The following TONSL variants were observed in gnomAD, a reference collection of about 807,000 sequenced individuals.
TONSL encodes the protein tonsoku like, DNA repair protein.
A neutral mutation model predicts 147.1 loss-of-function variants in TONSL; 112 were observed. That is an observed-to-expected ratio of 0.76 (90% CI 0.65 to 0.89). The LOEUF (loss-of-function observed/expected upper bound fraction) is 0.89, where lower values mean the gene tolerates loss of function less well. TONSL is among the 40% of genes least tolerant of loss of function. The pLI is 0.00. For synonymous variants in TONSL, 868 were observed against 801.5 expected (o/e 1.08, Z -1.40); for missense variants, 1,883 against 1,864.6 (o/e 1.01, Z -0.18).
At position 144,431,087 on chromosome 8, in the gene TONSL, T is replaced by TA. The variant is rs1823168830; in HGVS notation, c.3799_3800insT (p.Asp1267ValfsTer22). On this transcript the variant is annotated frameshift_variant, in exon 24 of 26. Coordinates refer to ENST00000409379, the MANE Select transcript of TONSL (RefSeq NM_013432.5). LOFTEE classifies it high-confidence loss of function. ...AGGGAAAGGGCGTTACCTGCACAGG[T>TA]CTCTAACAGCCTTGTCCCCCAGGTG... The TA allele has an allele frequency of 1.9e-6, 3 of 1,614,022 alleles. No individual in the cohort carries two copies.
In TONSL at chr8:144,430,406, GACAGGCCAAGGAAGCTAAGGCC is replaced by G; in HGVS notation, c.3919_3940del (p.Gly1307GlnfsTer17). The G allele has an allele frequency of 6.2e-7, 1 of 1,605,106 alleles. No individual in the cohort carries two copies. Among genetic ancestry groups the G allele is most frequent in the Non-Finnish European group, 8.5e-7 (1 of 1,175,958 alleles). On this transcript the variant is annotated frameshift_variant, in exon 25 of 26. Coordinates refer to ENST00000409379, the MANE Select transcript of TONSL (RefSeq NM_013432.5). LOFTEE classifies it low-confidence loss of function (END_TRUNC). ...GTGGCCACCATACCAGCACTCACCT[GACAGGCCAAGGAAGCTAAGGCC>G]TTGGGGCCGCTTTTGGAGGGTGGAC...
Position 144,440,331 on chromosome 8 carries a change from G to C in TONSL, c.1290+20C>G. The C allele has an allele frequency of 1.3e-6, 2 of 1,576,112 alleles. No individual in the cohort carries two copies. Among genetic ancestry groups the C allele is most frequent in the Non-Finnish European group, 1.7e-6 (2 of 1,157,128 alleles). ...CTGGGCTCACCGGGGAGCCAGTATG[G>C]GTGGGATGGGCTCTCGCACCTGCAG... On this transcript the variant is annotated intron_variant, in intron 10 of 25. Coordinates refer to ENST00000409379, the MANE Select transcript of TONSL (RefSeq NM_013432.5).
chr8:144,433,316 T>A lies in TONSL; in HGVS notation c.3559+272A>T. The A allele has an allele frequency of 8.6e-6, 3 of 349,918 alleles. No individual in the cohort carries two copies. In the South Asian group the frequency reaches 1.0e-4, roughly 12 times the overall value. 21.7% of individuals were successfully genotyped at this position (349,918 alleles called of 1,614,324 possible). ...TGGTCTCGATATCCTGACCTCGTGA[T>A]CTGCCCGCCTTGGCCTCCCAAAGTG... On this transcript the variant is annotated intron_variant, in intron 22 of 25. Coordinates refer to ENST00000409379, the MANE Select transcript of TONSL (RefSeq NM_013432.5).
In TONSL at chr8:144,433,977, C is replaced by T. The variant is rs375513978; in HGVS notation, c.3387+1G>A. 1.3e-6 allele frequency: 2 copies of T among 1,578,084 alleles called. No homozygotes were observed. Among genetic ancestry groups the T allele is most frequent in the East Asian group, 2.3e-5 (1 of 44,422 alleles). ...GGGCCTGCTGCTCTCTGTGCCTATA[C>T]CTGCAAGGTGGCTTGGCCTGGGAGC... On this transcript the variant is annotated splice_donor_variant, in intron 21 of 25. Transcript: ENST00000409379. LOFTEE classifies it high-confidence loss of function.
rs566845306 is a variant in TONSL at position 144,442,064 on chromosome 8, C to T, written c.838G>A (p.Ala280Thr). Residue 280 changes from alanine (A) to threonine (T), a missense_variant, in exon 7 of 26, where the codon GCA becomes ACA. Coordinates refer to ENST00000409379, the MANE Select transcript of TONSL (RefSeq NM_013432.5). Reference sequence around the variant, plus strand: ...TGCTGGAGGTTCTGACAGATGGCTGCCCTCTGCACAGGCTTCTGGGAGCCC... The same window carrying T: ...TGCTGGAGGTTCTGACAGATGGCTGTCCTCTGCACAGGCTTCTGGGAGCCC... ...RLGSQKPVQR[A>T]AICQNLQHVL... 1.7e-4 allele frequency: 279 copies of T among 1,612,846 alleles called. No homozygotes were observed. The highest frequency in any genetic ancestry group is 2.2e-4 in the Non-Finnish European group (264 of 1,179,928).
At chr8:144,438,865 TG>T in intron 11 of TONSL, 130 bp from the exon 12 acceptor site, 1 of 940,912 alleles carries the variant, frequency 1.1e-6, no homozygotes. Context: ...GCTCTGAGGC[TG>T]CTGGGCTCTG....
Position 144,440,164 on chromosome 8 carries a change from G to T in TONSL, c.1337C>A (p.Pro446His), listed in dbSNP as rs1326778524. 1 of 1,610,768 alleles carries T rather than the reference G, an allele frequency of 6.2e-7. No homozygotes were observed. Among genetic ancestry groups the T allele is most frequent in the Admixed American group, 1.7e-5 (1 of 59,278 alleles). Residue 446 changes from proline to histidine, a missense_variant, in exon 11 of 26, where the codon CCC (proline) becomes CAC (histidine). Transcript: ENST00000409379. Reference protein sequence around the residue: ...HLHTVQLRLQPQEAPETETRL... With the variant: ...HLHTVQLRLQHQEAPETETRL... Reference sequence around the variant, plus strand: ...GGTTTCGGTCTCAGGGGCCTCCTGGGGCTGCAGCCTCAGCTGCACGGTATG... The same window carrying T: ...GGTTTCGGTCTCAGGGGCCTCCTGGTGCTGCAGCCTCAGCTGCACGGTATG...
rs782674816 is a variant in TONSL at position 144,431,130 on chromosome 8, G to T, written c.3757C>A (p.Leu1253Met). The T allele has an allele frequency of 1.9e-6, 3 of 1,614,166 alleles. No homozygotes were observed. The highest frequency in any genetic ancestry group is 4.5e-5 in the East Asian group (2 of 44,886). ...LAKEGCALAH[L>M]TLSANHLGDK... The stretch of plus-strand genomic sequence containing the variant: ...CCCAGGTGGTTTGCAGACAGGGTCA[G>T]GTGGGCTAGAGCACAGCCTTCCTGG... The change falls in exon 24 of 26, where the codon CTG (leucine) becomes ATG (methionine). Residue 1253 changes from leucine to methionine, a missense_variant. Physicochemically the swap from Leu to Met is conservative, Grantham distance 15. Transcript: ENST00000409379.
rs1554878053 is a variant in TONSL at position 144,429,248 on chromosome 8, G to A, written c.4032C>T (p.Leu1344=). ...LRELQLCSRR[L]CAEDRDALRQ... is the part of the protein sequence containing the mutation. ...GCAGGGCGTCCCTGTCCTCAGCGCA[G>A]AGGCGTCTGCTGCACAGCTGCAGTT... The change falls in exon 26 of 26, where the codon CTC becomes CTT. Residue 1344 remains leucine (L), a synonymous_variant. Coordinates refer to ENST00000409379, the MANE Select transcript of TONSL (RefSeq NM_013432.5). 2 of 1,531,602 alleles carry A rather than the reference G, an allele frequency of 1.3e-6. No individual in the cohort carries two copies. Among genetic ancestry groups the A allele is most frequent in the Non-Finnish European group, 1.8e-6 (2 of 1,141,050 alleles). 94.9% of individuals were successfully genotyped at this position (1,531,602 alleles called of 1,614,324 possible).
At chr8:144,442,924 G>T in intron 4 of TONSL, 118 bp from the exon 5 acceptor site, 1 of 1,396,730 alleles carries the variant, frequency 7.2e-7, no homozygotes, top group Non-Finnish European at 9.5e-7. Flanking sequence ...CCCGAGGTGG[G>T]TGCAAGTGTC....
Position 144,441,193 on chromosome 8 carries a change from G to T in TONSL, c.866-82C>A, listed in dbSNP as rs898292715. 94 of 1,556,310 alleles carry T rather than the reference G, an allele frequency of 6.0e-5. No homozygotes were observed. The African/African-American group carries it at 1.2e-3, about 20-fold the overall frequency. On this transcript the variant is annotated intron_variant, in intron 7 of 25. Transcript: ENST00000409379. ...ACCACCTGCAAGCTGTGAGCCCTGTGGTGGCCCCCCCACTCTCTCCACACC... is the reference window on the plus strand; with the variant it reads ...ACCACCTGCAAGCTGTGAGCCCTGTTGTGGCCCCCCCACTCTCTCCACACC...
In TONSL at chr8:144,443,268, C is replaced by T; in HGVS notation, c.318G>A (p.Leu106=). The T allele has an allele frequency of 1.9e-6, 3 of 1,550,812 alleles. No homozygotes were observed. The highest frequency in any genetic ancestry group is 2.6e-6 in the Non-Finnish European group (3 of 1,146,972). ...LAHSLRNHTE[L]QRAWATIGRT... is the part of the protein sequence containing the mutation. The stretch of plus-strand genomic sequence containing the variant: ...GGCCGATGGTGGCCCAGGCCCTCTG[C>T]AGCTCCGTGTGGTTGCGCAGGGAAT... Residue 106 remains leucine (L), a synonymous_variant, in exon 4 of 26, where the codon CTG becomes CTA. Transcript: ENST00000409379.
rs1282413420 is a variant in TONSL at position 144,444,387 on chromosome 8, T to TA, written c.25+2dup. The stretch of plus-strand genomic sequence containing the variant: ...CGGAGGAAGGGGTCCCCGAGGAACT[T>TA]ACGGCGAAGCTCGCGCTCCAGGCTC... On this transcript the variant is annotated splice_region_variant and intron_variant, in intron 1 of 25. Transcript: ENST00000409379. The TA allele has an allele frequency of 7.2e-5, 92 of 1,272,552 alleles. No homozygotes were observed. Among genetic ancestry groups the TA allele is most frequent in the Non-Finnish European group, 9.0e-5 (91 of 1,007,390 alleles). The allele number at this position is 1,272,552 out of a possible 1,614,324, so 78.8% of individuals were successfully genotyped here.
At chr8:144,431,235 G>A (rs1823175403) in intron 23 of TONSL, 84 bp from the exon 24 acceptor site, 1 of 1,316,346 alleles carries the variant, frequency 7.6e-7, no homozygotes, top group Admixed American at 1.8e-5. Context: ...CCACACCCAG[G>A]GGCCCAGAAG....
intron 13 of TONSL, among the ~76,000 whole-genome samples, chr8:144,437,302 A>G (rs1368051157): frequency 6.6e-6 from 1 of 152,198 alleles, no homozygotes; most frequent in Non-Finnish European, 1.5e-5. Context: ...CAGCCACAGC[A>G]TATCCTCCGC....
chr8:144,442,892 C>G, intron 4 of TONSL, 86 bp from the exon 5 acceptor site: 1 of 1,487,082 alleles, frequency 6.7e-7, no homozygotes, highest in Non-Finnish European at 9.0e-7. Flanking sequence ...CTGTGCAGCG[C>G]CTCTCCTACC....
At chr8:144,438,398 A>T in intron 13 of TONSL, 73 bp downstream of exon 13, 2 of 1,513,064 alleles carry the variant, frequency 1.3e-6, no homozygotes, top group Non-Finnish European at 1.8e-6. Flanking sequence ...AGTTACAGAG[A>T]TAGGGGATCC....
rs934074074 is a variant in TONSL at position 144,435,474 on chromosome 8, C to G, written c.2852G>C (p.Ser951Thr). The G allele has an allele frequency of 6.5e-7, 1 of 1,544,984 alleles. No individual in the cohort carries two copies. Among genetic ancestry groups the G allele is most frequent in the African/African-American group, 1.4e-5 (1 of 72,928 alleles). The stretch of plus-strand genomic sequence containing the variant: ...CGGGGTAGGGCAGGCGATGCCTCAC[C>G]TGTGTGGGACAGGGATGAGGAAGAG... ...DHLFLIPVPH[S>T]SDTHSVAWLA... The change falls in exon 18 of 26, where the codon AGC becomes ACC. Residue 951 changes from serine to threonine, a missense_variant and splice_region_variant. By Grantham distance (58) the Ser-to-Thr change is moderately conservative (BLOSUM62 1). Transcript: ENST00000409379.
At chr8:144,437,325 C>T (rs975564235) in intron 13 of TONSL, among the ~76,000 whole-genome samples, 1 of 152,210 alleles carries the variant, frequency 6.6e-6, no homozygotes. Flanking sequence ...CTGTGCCTGC[C>T]CGGTCCCCTT....
Sources: gnomAD v4.1 joint callset for allele counts (sites outside exome capture counted in the v4.1 genomes callset) on GRCh38, gnomAD v4.1.1 for gene constraint, MANE v1.5 for transcripts, NCBI Gene and HGNC (gene_info 2026-07-23, HGNC 2026-07-21) for gene names.